TRPM3: variants seen among roughly 807,000 people sequenced by gnomAD.
TRPM3 encodes transient receptor potential cation channel subfamily M member 3.
Under a neutral mutation model 181.2 loss-of-function variants are expected in TRPM3, and 77 were observed. That is an observed-to-expected ratio of 0.42 (90% confidence interval 0.35 to 0.51). The LOEUF (loss-of-function observed/expected upper bound fraction) is 0.51. TRPM3 is among the 20% of genes least tolerant of loss of function. The pLI is 0.01. For missense variants in TRPM3, 1,759 were observed against 2,196.7 expected (o/e 0.80, Z 3.98); for synonymous variants, 745 against 796.4 (o/e 0.94, Z 1.09).
intron 1 of TRPM3, among the ~76,000 whole-genome samples, chr9:71,159,938 A>C (rs1420059942): frequency 6.6e-6 from 1 of 152,120 alleles, no homozygotes; most frequent in Non-Finnish European, 1.5e-5. Context: ...TGTTTGGAGA[A>C]ATTGTTGGCA....
At chr9:71,240,182 C>A (rs1188791234) in intron 1 of TRPM3, among the ~76,000 whole-genome samples, 1 of 152,070 alleles carries the variant, frequency 6.6e-6, no homozygotes, top group Non-Finnish European at 1.5e-5. Flanking sequence ...TTATATGTAC[C>A]AGTTTTTGCA....
intron 1 of TRPM3, among the ~76,000 whole-genome samples, chr9:71,252,447 C>A (rs2082402364): frequency 6.6e-6 from 1 of 152,132 alleles, no homozygotes; most frequent in East Asian, 1.9e-4. Context: ...GCTTATGATA[C>A]AAACCGCCTC....
At chr9:70,764,985 C>T (rs984709662) in intron 7 of TRPM3, among the ~76,000 whole-genome samples, 1 of 152,190 alleles carries the variant, frequency 6.6e-6, no homozygotes, top group Non-Finnish European at 1.5e-5. Flanking sequence ...TTTGATGTGT[C>T]TGTAGCACGT....
chr9:70,622,153 G>A (rs1031731771), intron 14 of TRPM3, among the ~76,000 whole-genome samples: 3 of 152,098 alleles, frequency 2.0e-5, no homozygotes, highest in Non-Finnish European at 4.4e-5. Flanking sequence ...ACTGGATGAG[G>A]ACACAGTGAC....
intron 12 of TRPM3, among the ~76,000 whole-genome samples, chr9:70,631,361 CTTTTTTTTT>C (rs11285828): frequency 5.8e-5 from 8 of 136,848 alleles, no homozygotes; most frequent in African/African-American, 2.1e-4. Flanking sequence ...TCTGAAATGC[CTTTTTTTTT>C]TTTTTTTTTT....
At position 70,987,502 on chromosome 9, in the gene TRPM3, A is replaced by T. The variant is rs959651779; in HGVS notation, c.178-122991T>A. On this transcript the variant is annotated intron_variant, in intron 1 of 25. Transcript: ENST00000677713. ...TTCCATTTCTTATGTCTTTTTCCTAAGGTCTCTAAAATCTATTTTATTCCC... is the reference window on the plus strand; with the variant it reads ...TTCCATTTCTTATGTCTTTTTCCTATGGTCTCTAAAATCTATTTTATTCCC... Among the ~76,000 whole-genome samples, 7 of 152,206 alleles carry T rather than the reference A, an allele frequency of 4.6e-5. No individual in the cohort carries two copies. In the East Asian group the frequency reaches 1.2e-3, roughly 25 times the overall value.
At chr9:70,900,453 T>C (rs2096368778) in intron 1 of TRPM3, among the ~76,000 whole-genome samples, 1 of 152,132 alleles carries the variant, frequency 6.6e-6, no homozygotes, top group Non-Finnish European at 1.5e-5. Context: ...AAACAAGGAA[T>C]AACAGAAGAA....
intron 1 of TRPM3, among the ~76,000 whole-genome samples, chr9:71,074,057 CG>C (rs1452307754): frequency 6.6e-6 from 1 of 152,100 alleles, no homozygotes. Context: ...AGTTACAACA[CG>C]CATTTTTCTC....
intron 1 of TRPM3, among the ~76,000 whole-genome samples, chr9:71,084,745 T>C (rs1177291184): frequency 6.6e-6 from 1 of 151,898 alleles, no homozygotes; most frequent in East Asian, 1.9e-4. Flanking sequence ...ACTGTCGATG[T>C]CATTTTTTGC....
intron 1 of TRPM3, among the ~76,000 whole-genome samples, chr9:71,177,420 T>C (rs1283166979): frequency 1.3e-5 from 2 of 152,038 alleles, no homozygotes; most frequent in Non-Finnish European, 2.9e-5. Context: ...ACCAAAAAGG[T>C]TGGGGACCTC....
At chr9:71,079,653 T>C (rs575754161) in intron 1 of TRPM3, among the ~76,000 whole-genome samples, 48 of 152,316 alleles carry the variant, frequency 3.2e-4, no homozygotes, top group African/African-American at 1.2e-3. Flanking sequence ...CAATGGAATG[T>C]AGTGCTTGGT....
chr9:70,906,871 C>T (rs932180809), intron 1 of TRPM3, among the ~76,000 whole-genome samples: 1 of 151,996 alleles, frequency 6.6e-6, no homozygotes, highest in African/African-American at 2.4e-5. Context: ...CCATTACACT[C>T]CAGCCTGGGC....
At chr9:70,796,639 C>A (rs890129942) in intron 6 of TRPM3, among the ~76,000 whole-genome samples, 1 of 152,180 alleles carries the variant, frequency 6.6e-6, no homozygotes, top group Non-Finnish European at 1.5e-5. Flanking sequence ...TAAAGAAAAA[C>A]TTCTTATAGT....
intron 1 of TRPM3, among the ~76,000 whole-genome samples, chr9:71,383,685 G>C (rs778244148): frequency 1.3e-5 from 2 of 152,046 alleles, no homozygotes; most frequent in Non-Finnish European, 2.9e-5. Flanking sequence ...GCTTTTCCCT[G>C]CTTATAGTTT....
At chr9:71,146,316 C>T (rs1329774) in intron 1 of TRPM3, among the ~76,000 whole-genome samples, 81,660 of 151,926 alleles carry the variant, frequency 0.54, 25,301 homozygotes, top group East Asian at 0.72. Context: ...TTGCCAGGCT[C>T]ATACTATACA....
chr9:71,053,533 G>A (rs941255578), intron 1 of TRPM3, among the ~76,000 whole-genome samples: 5 of 152,138 alleles, frequency 3.3e-5, no homozygotes, highest in African/African-American at 1.2e-4. Context: ...TGAAACACAA[G>A]ATAATGAAAG....
At chr9:71,204,175 C>T (rs1163063280) in intron 1 of TRPM3, among the ~76,000 whole-genome samples, 1 of 151,144 alleles carries the variant, frequency 6.6e-6, no homozygotes, top group African/African-American at 2.4e-5. Context: ...GTCTAAAACA[C>T]CAAAAGCAAT....
At chr9:70,666,654 C>A (rs2061890193) in intron 9 of TRPM3, among the ~76,000 whole-genome samples, 1 of 151,996 alleles carries the variant, frequency 6.6e-6, no homozygotes, top group Non-Finnish European at 1.5e-5. Flanking sequence ...CACTTTTTCT[C>A]TTTAGAAGCT....
intron 3 of TRPM3, among the ~76,000 whole-genome samples, chr9:70,848,877 T>A (rs1356632472): frequency 2.5e-5 from 2 of 78,578 alleles, no homozygotes; most frequent in African/African-American, 1.0e-4. Flanking sequence ...CTCGGGAGGC[T>A]GAGGCAGGAG....
Sources: gnomAD v4.1 joint callset for allele counts (sites outside exome capture counted in the v4.1 genomes callset) on GRCh38, gnomAD v4.1.1 for gene constraint, MANE v1.5 for transcripts, NCBI Gene and HGNC (gene_info 2026-07-23, HGNC 2026-07-21) for gene names.